ZNF534: variants seen among roughly 807,000 people sequenced by gnomAD.
ZNF534 encodes zinc finger protein 534, also known as KRAB domain only 3.
A neutral mutation model predicts 13.6 loss-of-function variants in ZNF534; 19 were observed. That is an observed-to-expected ratio of 1.40 (90% CI 0.97 to 2.05). The LOEUF (loss-of-function observed/expected upper bound fraction) is 2.05, where lower values mean the gene tolerates loss of function less well. Among genes scored for constraint, ZNF534 ranks in the 30% most tolerant of loss-of-function variants. ZNF534 has a pLI of 0.00. For missense variants in ZNF534, 782 were observed against 796.3 expected, an observed-to-expected ratio of 0.98 and a Z score of 0.22; for synonymous variants, 244 against 273.8, an observed-to-expected ratio of 0.89 and a Z score of 1.07.
In ZNF534 at chr19:52,438,710, A is replaced by C; in HGVS notation, c.1250A>C (p.Lys417Thr). ...GRRYKCNECG[K>T]AFRTCSDLTA... Reference sequence around the variant, plus strand: ...CGTTACAAATGTAATGAATGTGGCAAAGCATTTAGAACGTGTTCAGATCTC... The same window carrying C: ...CGTTACAAATGTAATGAATGTGGCACAGCATTTAGAACGTGTTCAGATCTC... The change falls in exon 5 of 5, where the codon AAA becomes ACA. Residue 417 changes from lysine to threonine, a missense_variant. Around this residue, in one of 5 missense-constraint regions of ZNF534, gnomAD observed 591 missense variants for 574.0 expected, o/e 1.03. Coordinates refer to ENST00000433050, the MANE Select transcript of ZNF534 (RefSeq NM_001143938.3). 2 of 1,585,854 alleles carry C rather than the reference A, an allele frequency of 1.3e-6. No individual in the cohort carries two copies. Among genetic ancestry groups the C allele is most frequent in the Non-Finnish European group, 1.7e-6 (2 of 1,165,226 alleles).
rs2059168977 is a variant in ZNF534, at chr19:52,440,980, C to T, written c.*1534C>T. 6.6e-6 allele frequency among the ~76,000 whole-genome samples: 1 copy of T among 151,716 alleles called. No homozygotes were observed. Among genetic ancestry groups the T allele is most frequent in the African/African-American group, 2.4e-5 (1 of 41,272 alleles). ...GCAGTGGTGTAATCTCAGCTCACTG[C>T]AACCGCCACCTCCTAGGTTCAAGCA... On this transcript the variant is annotated 3_prime_UTR_variant, in exon 5 of 5. Transcript: ENST00000433050.
chr19:52,432,990 C>G (rs1339249394), intron 2 of ZNF534, among the ~76,000 whole-genome samples: 1 of 152,112 alleles, frequency 6.6e-6, no homozygotes, highest in African/African-American at 2.4e-5. Context: ...TGCCTGTAAT[C>G]CCAGCATTTT....
rs2059164480 is a variant in ZNF534, at chr19:52,440,413, A to G, written c.*967A>G. On this transcript the variant is annotated 3_prime_UTR_variant, in exon 5 of 5. Coordinates refer to ENST00000433050, the MANE Select transcript of ZNF534 (RefSeq NM_001143938.3). Reference sequence around the variant, plus strand: ...CATCTGGCACAACATTGGAAAATTCATACTGTAGATACCTTTTAAATGTAG... The same window carrying G: ...CATCTGGCACAACATTGGAAAATTCGTACTGTAGATACCTTTTAAATGTAG... Among the ~76,000 whole-genome samples the G allele has an allele frequency of 1.3e-5, 2 of 152,258 alleles. No individual in the cohort carries two copies. The highest frequency in any genetic ancestry group is 2.9e-5 in the Non-Finnish European group (2 of 68,042).
chr19:52,451,175 T>C, intron 4 of ZNF534: 1 of 670,004 alleles, frequency 1.5e-6, no homozygotes, highest in Non-Finnish European at 2.7e-6. Flanking sequence ...GTTTATAATT[T>C]TCTACCCATA....
intron 1 of ZNF534, among the ~76,000 whole-genome samples, chr19:52,429,543 T>TA (rs1386199875): frequency 6.6e-6 from 1 of 152,018 alleles, no homozygotes; most frequent in African/African-American, 2.4e-5. Flanking sequence ...ACCCCAGAGA[T>TA]ACCAAGGGCT....
chr19:52,449,101 A>G (rs2059203962), intron 4 of ZNF534, among the ~76,000 whole-genome samples: 1 of 152,148 alleles, frequency 6.6e-6, no homozygotes, highest in Non-Finnish European at 1.5e-5. Flanking sequence ...AGTATGAGAT[A>G]ATTGTCTTTT....
intron 3 of ZNF534, 107 bp from the exon 4 acceptor site, chr19:52,434,974 G>A (rs1205145168): frequency 7.3e-7 from 1 of 1,370,282 alleles, no homozygotes; most frequent in Non-Finnish European, 9.7e-7. Flanking sequence ...TTGAATTTGT[G>A]AAATATTATT....
chr19:52,437,741 C>A lies in ZNF534; in HGVS notation c.281C>A (p.Ser94Tyr). 6.4e-7 allele frequency: 1 copy of A among 1,569,010 alleles called. No individual in the cohort carries two copies. Among genetic ancestry groups the A allele is most frequent in the Admixed American group, 1.9e-5 (1 of 52,242 alleles). The part of the protein sequence containing the change: ...CIKGVNTEKS[S>Y]KLGSSAGNKS... ...TTTCTTGCTTTTCTAGAGAAGAGTT[C>A]TAAATTGGGAAGCAGTGCAGGAAAC... Residue 94 changes from serine to tyrosine, a missense_variant, in exon 5 of 5, where the codon TCT (serine) becomes TAT (tyrosine). Ser to Tyr is a moderately radical substitution (Grantham distance 144, BLOSUM62 -2). This residue lies in a region of ZNF534 where 30 missense variants were observed against 55.4 expected (regional missense o/e 0.54). Coordinates refer to ENST00000433050, the MANE Select transcript of ZNF534 (RefSeq NM_001143938.3).
chr19:52,449,881 G>A (rs771948225), intron 4 of ZNF534, among the ~76,000 whole-genome samples: 3 of 152,164 alleles, frequency 2.0e-5, no homozygotes, highest in Admixed American at 2.0e-4. Flanking sequence ...TTAGCCAGGC[G>A]TGGTGGTGTG....
chr19:52,434,222 G>T, intron 3 of ZNF534, 141 bp downstream of exon 3: 2 of 1,311,210 alleles, frequency 1.5e-6, no homozygotes, highest in Non-Finnish European at 2.1e-6. Context: ...CAGGCCAGGC[G>T]CAGTGGCTCA....
chr19:52,433,645 C>T lies in ZNF534; in HGVS notation c.16-310C>T, dbSNP rs181297573. Among the ~76,000 whole-genome samples, 874 of 152,354 alleles carry T rather than the reference C, an allele frequency of 5.7e-3. 7 individuals carry two copies. Among genetic ancestry groups the T allele is most frequent in the Middle Eastern group, 0.01 (3 of 294 alleles). On this transcript the variant is annotated intron_variant, in intron 2 of 4. Transcript: ENST00000433050. ...CCTCCCAAAATGCTGGGATTACAGG[C>T]ATGAGCCGCCGTGCCCGGCAGTAAT...
chr19:52,431,490 G>A lies in ZNF534; in HGVS notation c.15+1G>A. ...GAAGTCAGGAATGGCCCTTACTCAG[G>A]TAAGGTAATGTTCTCAGTGGATTGT... is the stretch of plus-strand genomic sequence containing the variant. On this transcript the variant is annotated splice_donor_variant, in intron 2 of 4. Transcript: ENST00000433050. LOFTEE classifies it high-confidence loss of function. The A allele has an allele frequency of 6.2e-7, 1 of 1,614,086 alleles. No individual in the cohort carries two copies. The highest frequency in any genetic ancestry group is 1.1e-5 in the South Asian group (1 of 91,078).
chr19:52,435,401 A>G (rs2059122477), intron 4 of ZNF534, among the ~76,000 whole-genome samples, 192 bp downstream of exon 4: 1 of 152,010 alleles, frequency 6.6e-6, no homozygotes, highest in Non-Finnish European at 1.5e-5. Context: ...TATACTCTGC[A>G]GAGCCACACT....
chr19:52,443,870 C>G (rs1002294038), downstream of ZNF534, among the ~76,000 whole-genome samples: 1 of 151,904 alleles, frequency 6.6e-6, no homozygotes, highest in Non-Finnish European at 1.5e-5. Context: ...TCCATTGTTT[C>G]CTGAGGTTTT....
rs749770278 is a variant in ZNF534 at position 52,438,817 on chromosome 19, C to G, written c.1357C>G (p.Leu453Val). The change falls in exon 5 of 5, where the codon CTA becomes GTA. Residue 453 changes from leucine (L) to valine (V), a missense_variant. Physicochemically the swap from Leu to Val is conservative, Grantham distance 32 (BLOSUM62 1). Transcript: ENST00000433050. ...CAAGGTCTTCAGGCACAAGTCTTCCCTAACCTATCACTGTAGAATTCATAC... is the reference window on the plus strand; with the variant it reads ...CAAGGTCTTCAGGCACAAGTCTTCCGTAACCTATCACTGTAGAATTCATAC... ...CGKVFRHKSS[L>V]TYHCRIHTGE... 6.2e-7 allele frequency: 1 copy of G among 1,611,102 alleles called. No homozygotes were observed. The highest frequency in any genetic ancestry group is 1.1e-5 in the South Asian group (1 of 90,688).
chr19:52,434,043 A>T lies in ZNF534; in HGVS notation c.104A>T (p.Asp35Val). The T allele has an allele frequency of 6.2e-7, 1 of 1,614,168 alleles. No individual in the cohort carries two copies. The highest frequency in any genetic ancestry group is 8.5e-7 in the Non-Finnish European group (1 of 1,180,034). ...CCTGGGCAGAAAGCTTTATACAGGG[A>T]CGTGATGTTAGAGAACTACAGGAAC... is the stretch of plus-strand genomic sequence containing the variant. ...LDPGQKALYRDVMLENYRNLV... is the reference protein window; with the variant it reads ...LDPGQKALYRVVMLENYRNLV... The change falls in exon 3 of 5, where the codon GAC (aspartate) becomes GTC (valine). Residue 35 changes from aspartate (D) to valine (V), a missense_variant. Physicochemically the swap from Asp to Val is radical, Grantham distance 152. Around this residue, in one of 5 missense-constraint regions of ZNF534, gnomAD observed 81 missense variants for 63.5 expected, o/e 1.28. Transcript: ENST00000433050.
In ZNF534 at chr19:52,440,967, TCTC is replaced by T. The variant is rs376222903; in HGVS notation, c.*1522_*1524del. ...CCCAGGCTGGAGTGCAGTGGTGTAA[TCTC>T]AGCTCACTGCAACCGCCACCTCCTA... On this transcript the variant is annotated 3_prime_UTR_variant, in exon 5 of 5. Transcript: ENST00000433050. 2.3e-3 allele frequency among the ~76,000 whole-genome samples: 344 copies of T among 151,508 alleles called. No homozygotes were observed. Among genetic ancestry groups the T allele is most frequent in the East Asian group, 1.0e-2 (51 of 5,110 alleles).
rs1473529945 is a variant in ZNF534 at position 52,438,659 on chromosome 19, A to T, written c.1199A>T (p.His400Leu). 22 of 1,583,242 alleles carry T rather than the reference A, an allele frequency of 1.4e-5. No individual in the cohort carries two copies. The highest frequency in any genetic ancestry group is 1.8e-5 in the Non-Finnish European group (21 of 1,163,670). ...VFIGNSRLAR[H>L]RKIHTGGRRY... ...ATTGGCAATTCACGCCTTGCACGAC[A>T]TAGGAAAATTCATACTGGGGGGAGG... Residue 400 changes from histidine to leucine, a missense_variant, in exon 5 of 5, where the codon CAT (histidine) becomes CTT (leucine). Coordinates refer to ENST00000433050, the MANE Select transcript of ZNF534 (RefSeq NM_001143938.3).
intron 2 of ZNF534, among the ~76,000 whole-genome samples, chr19:52,432,818 G>C (rs2059097226): frequency 6.6e-6 from 1 of 151,950 alleles, no homozygotes. Context: ...ATTTAGTAGA[G>C]ATGGGGTTTC....
Sources: allele counts gnomAD v4.1 joint callset (sites outside exome capture counted in the v4.1 genomes callset), GRCh38; gene constraint gnomAD v4.1.1; regional missense constraint gnomAD v4.1.1; transcripts MANE v1.5; gene names NCBI Gene and HGNC (gene_info 2026-07-23, HGNC 2026-07-21).